ARHGEF11: variants seen among roughly 807,000 people sequenced by gnomAD.
The protein encoded by ARHGEF11 is Rho guanine nucleotide exchange factor 11, also known as Rho guanine exchange factor (GEF) 11.
ARHGEF11 carries 55 observed loss-of-function variants against 193.7 expected under a neutral mutation model. The observed-to-expected ratio is 0.28, with a 90% confidence interval of 0.23 to 0.36. ARHGEF11 has a LOEUF of 0.36. Among genes scored for constraint, ARHGEF11 ranks in the 10% least tolerant of loss-of-function variants. The probability of loss-of-function intolerance (pLI) is 1.00; values close to 1 mark genes in which losing one functional copy is unlikely to be tolerated. For synonymous variants in ARHGEF11, 693 were observed against 768.0 expected (o/e 0.90, Z 1.62); for missense variants, 1,723 against 2,005.6 (o/e 0.86, Z 2.69).
intron 1 of ARHGEF11, among the ~76,000 whole-genome samples, chr1:157,007,967 C>G (rs1373782670): frequency 8.5e-6 from 1 of 117,752 alleles, no homozygotes; most frequent in East Asian, 2.7e-4. Context: ...TGTTTACAAA[C>G]AGTTCAGTTC....
chr1:157,021,779 C>T (rs822576), intron 1 of ARHGEF11, among the ~76,000 whole-genome samples: 71,564 of 152,050 alleles, frequency 0.47, 17,275 homozygotes, highest in Middle Eastern at 0.67. Flanking sequence ...TCCAATAAGA[C>T]TCTATTTGCA....
chr1:156,953,498 TC>T (rs1659426112), intron 21 of ARHGEF11, among the ~76,000 whole-genome samples: 1 of 152,184 alleles, frequency 6.6e-6, no homozygotes, highest in Non-Finnish European at 1.5e-5. Context: ...TTCTTTTTTT[TC>T]CCCTTGTTTT....
chr1:157,030,170 TA>T (rs1218724939), intron 1 of ARHGEF11, among the ~76,000 whole-genome samples: 3 of 152,160 alleles, frequency 2.0e-5, no homozygotes, highest in Non-Finnish European at 4.4e-5. Context: ...AGCTGTTAAC[TA>T]AAAAAATTGT....
At chr1:156,986,033 G>A (rs1178360942) in intron 2 of ARHGEF11, 49 bp downstream of exon 2, 1 of 1,500,782 alleles carries the variant, frequency 6.7e-7, no homozygotes, top group South Asian at 1.1e-5. Context: ...ATACAGGCAT[G>A]TGCCACCATG....
intron 1 of ARHGEF11, among the ~76,000 whole-genome samples, chr1:157,036,673 A>G (rs910419587): frequency 6.6e-6 from 1 of 152,208 alleles, no homozygotes; most frequent in African/African-American, 2.4e-5. Context: ...TATTTGGTAG[A>G]AATGGCCTAA....
chr1:157,015,800 G>A (rs569955191), intron 1 of ARHGEF11, among the ~76,000 whole-genome samples: 2 of 152,326 alleles, frequency 1.3e-5, no homozygotes, highest in South Asian at 2.1e-4. Context: ...CTGGCCCAAC[G>A]AGCATGTCTC....
chr1:157,044,763 CCTT>C lies in ARHGEF11; in HGVS notation c.-436_-434del, dbSNP rs994831552. The C allele has an allele frequency of 7.9e-6, 3 of 379,434 alleles. No individual in the cohort carries two copies. The highest frequency in any genetic ancestry group is 2.1e-5 in the African/African-American group (1 of 48,182). The allele number at this position is 379,434 out of a possible 1,614,324, so 23.5% of individuals were successfully genotyped here. On this transcript the variant is annotated 5_prime_UTR_variant, in exon 1 of 41. Coordinates refer to ENST00000368194, the MANE Select transcript of ARHGEF11 (RefSeq NM_198236.3). Reference sequence around the variant, plus strand: ...CTTTAAATCCAGCTTTCTCAGCTGTCCTTCTGTTGGCAAGAGACCCTCTAGCTC... The same window carrying C: ...CTTTAAATCCAGCTTTCTCAGCTGTCCTGTTGGCAAGAGACCCTCTAGCTC...
intron 19 of ARHGEF11, among the ~76,000 whole-genome samples, chr1:156,956,195 C>T (rs577104221): frequency 1.5e-4 from 23 of 152,302 alleles, no homozygotes. Context: ...TGGCTCACTG[C>T]AACCTCCAAT....
At chr1:157,010,900 G>A (rs780618546) in intron 1 of ARHGEF11, among the ~76,000 whole-genome samples, 6 of 152,184 alleles carry the variant, frequency 3.9e-5, no homozygotes. Context: ...CATGTTTACA[G>A]AGTGGAAGAT....
intron 19 of ARHGEF11, 65 bp from the exon 20 acceptor site, chr1:156,955,864 A>G: frequency 8.1e-7 from 1 of 1,231,152 alleles, no homozygotes; most frequent in Non-Finnish European, 1.2e-6. Context: ...CTGCTAATCA[A>G]TTCTGCCACT....
At position 156,939,643 on chromosome 1, in the gene ARHGEF11, T is replaced by C; in HGVS notation, c.4001A>G (p.Asn1334Ser). ...TTCTGGAGACTCCCATATCCCAGAA[T>C]TTCTGGTCCTTGGGGGTAGGTGTTC... ...SLEHLPPRTR[N>S]SGIWESPELD... The change falls in exon 37 of 41, where the codon AAT (asparagine) becomes AGT (serine). Residue 1334 changes from asparagine (N) to serine (S), a missense_variant. Asn to Ser is a conservative substitution (Grantham distance 46). Coordinates refer to ENST00000368194, the MANE Select transcript of ARHGEF11 (RefSeq NM_198236.3). 1 of 1,613,914 alleles carries C rather than the reference T, an allele frequency of 6.2e-7. No individual in the cohort carries two copies. The highest frequency in any genetic ancestry group is 8.5e-7 in the Non-Finnish European group (1 of 1,180,028).
At chr1:156,974,156 C>G (rs983663594) in intron 7 of ARHGEF11, among the ~76,000 whole-genome samples, 3 of 152,004 alleles carry the variant, frequency 2.0e-5, no homozygotes, top group African/African-American at 7.3e-5. Context: ...CAGCCTCAAA[C>G]CCCTGGGCTT....
In ARHGEF11 at chr1:156,935,773, G is replaced by A. The variant is rs912348592; in HGVS notation, c.*227C>T. 3 of 550,246 alleles carry A rather than the reference G, an allele frequency of 5.5e-6. No individual in the cohort carries two copies. Among genetic ancestry groups the A allele is most frequent in the Non-Finnish European group, 9.7e-6 (3 of 309,894 alleles). The allele number at this position is 550,246 out of a possible 1,614,324, so 34.1% of individuals were successfully genotyped here. ...CAGTCAGCATGCTTAGGAGACATGAGGCCTTGGAGGGTTGGGCTAAGGGAG... is the reference window on the plus strand; with the variant it reads ...CAGTCAGCATGCTTAGGAGACATGAAGCCTTGGAGGGTTGGGCTAAGGGAG... On this transcript the variant is annotated 3_prime_UTR_variant, in exon 41 of 41. Transcript: ENST00000368194.
At position 156,963,715 on chromosome 1, in the gene ARHGEF11, G is replaced by A. The variant is rs1001992210; in HGVS notation, c.964-121C>T. The A allele has an allele frequency of 1.7e-5, 26 of 1,491,842 alleles. 1 individual carries two copies. The highest frequency in any genetic ancestry group is 5.6e-5 in the African/African-American group (4 of 71,476). The allele number at this position is 1,491,842 out of a possible 1,614,324, so 92.4% of individuals were successfully genotyped here. Reference sequence around the variant, plus strand: ...ACAAAGCCACCCGGGTCTGGTGAACGTTGGCATCTCACTCCCGCCCCCAAA... The same window carrying A: ...ACAAAGCCACCCGGGTCTGGTGAACATTGGCATCTCACTCCCGCCCCCAAA... On this transcript the variant is annotated intron_variant, in intron 11 of 40. Coordinates refer to ENST00000368194, the MANE Select transcript of ARHGEF11 (RefSeq NM_198236.3).
intron 16 of ARHGEF11, 78 bp downstream of exon 16, chr1:156,958,968 C>T (rs887722763): frequency 8.1e-6 from 13 of 1,605,386 alleles, no homozygotes; most frequent in East Asian, 4.5e-5. Context: ...GATATGTGCA[C>T]GTCCCAGAGG....
intron 11 of ARHGEF11, 116 bp downstream of exon 11, chr1:156,967,871 G>C (rs764452287): frequency 1.3e-5 from 19 of 1,416,202 alleles, no homozygotes; most frequent in Middle Eastern, 4.9e-4. Flanking sequence ...TCAAAGTTTG[G>C]GTTGCTGAAG....
chr1:156,996,126 G>C (rs1286933779), intron 1 of ARHGEF11, among the ~76,000 whole-genome samples: 1 of 152,180 alleles, frequency 6.6e-6, no homozygotes, highest in Non-Finnish European at 1.5e-5. Flanking sequence ...TAAACTAGAA[G>C]GGTGTTAGCC....
At chr1:156,967,853 TG>T (rs1157618808) in intron 11 of ARHGEF11, 133 bp downstream of exon 11, 1 of 1,142,338 alleles carries the variant, frequency 8.8e-7, no homozygotes, top group Non-Finnish European at 1.3e-6. Flanking sequence ...TCTATGTAAG[TG>T]ACTGTCTCAA....
chr1:156,977,899 C>T (rs923975825), intron 6 of ARHGEF11, among the ~76,000 whole-genome samples: 3 of 152,198 alleles, frequency 2.0e-5, no homozygotes, highest in Admixed American at 6.5e-5. Context: ...GAAGTGTACA[C>T]TCTCTCTCTG....
Sources: gnomAD v4.1 joint callset for allele counts (sites outside exome capture counted in the v4.1 genomes callset) on GRCh38, gnomAD v4.1.1 for gene constraint, MANE v1.5 for transcripts, NCBI Gene and HGNC (gene_info 2026-07-23, HGNC 2026-07-21) for gene names.